Variants in GALNT17 observed in about 807,000 individuals in gnomAD.
GALNT17 encodes the protein UDP-GalNAc:polypeptide N-acetylgalactosaminyltransferase-like 3.
In GALNT17, 29 loss-of-function variants were observed where a neutral mutation model predicts 63.7. The ratio of observed to expected loss-of-function variants is 0.46; its 90% CI spans 0.34 to 0.62. The LOEUF (loss-of-function observed/expected upper bound fraction) is 0.62, where lower values mean the gene tolerates loss of function less well. Ranked by LOEUF, GALNT17 falls within the 20% of genes least tolerant of loss-of-function variation. GALNT17 has a pLI of 0.01. For synonymous variants in GALNT17, 305 were observed against 318.3 expected, an observed-to-expected ratio of 0.96 and a Z score of 0.45; for missense variants, 603 against 799.6, an observed-to-expected ratio of 0.75 and a Z score of 2.97.
At chr7:71,666,688 T>A (rs545245522) in intron 7 of GALNT17, among the ~76,000 whole-genome samples, 9 of 152,316 alleles carry the variant, frequency 5.9e-5, no homozygotes, top group Non-Finnish European at 8.8e-5. Flanking sequence ...CTCTCGAATC[T>A]CATCCAGGTC....
intron 5 of GALNT17, among the ~76,000 whole-genome samples, chr7:71,449,143 C>T (rs191107913): frequency 0.017 from 1,315 of 76,578 alleles, 13 homozygotes; most frequent in Middle Eastern, 0.061. Flanking sequence ...GGCAGAGTCT[C>T]GCTCTGTCTC....
chr7:71,372,924 T>A (rs370577270), intron 2 of GALNT17, among the ~76,000 whole-genome samples: 7 of 152,284 alleles, frequency 4.6e-5, no homozygotes, highest in African/African-American at 1.7e-4. Flanking sequence ...GCTTAGCTCT[T>A]GTTATTTTAA....
intron 5 of GALNT17, among the ~76,000 whole-genome samples, chr7:71,424,073 G>C (rs1385941272): frequency 1.3e-5 from 2 of 152,232 alleles, no homozygotes; most frequent in Non-Finnish European, 2.9e-5. Flanking sequence ...AAGCTGTCTT[G>C]TGGCTCAGCT....
intron 1 of GALNT17, among the ~76,000 whole-genome samples, chr7:71,190,223 C>A (rs1000404569): frequency 5.3e-5 from 8 of 152,154 alleles, no homozygotes; most frequent in Admixed American, 5.2e-4. Context: ...GTTTGAATAT[C>A]TATTCTTGCC....
intron 5 of GALNT17, among the ~76,000 whole-genome samples, chr7:71,534,717 G>A (rs1406343118): frequency 1.3e-4 from 20 of 152,100 alleles, no homozygotes; most frequent in African/African-American, 2.4e-4. Flanking sequence ...CCCACGACAC[G>A]TGGGGATATG....
At chr7:71,473,615 TA>T (rs1787676917) in intron 5 of GALNT17, among the ~76,000 whole-genome samples, 1 of 152,110 alleles carries the variant, frequency 6.6e-6, no homozygotes, top group South Asian at 2.1e-4. Context: ...GGGTGGGGCA[TA>T]ATGAGGCTTG....
chr7:71,212,171 A>C (rs1173955725), intron 1 of GALNT17, among the ~76,000 whole-genome samples: 1 of 152,202 alleles, frequency 6.6e-6, no homozygotes, highest in Non-Finnish European at 1.5e-5. Context: ...TGCTGTGTGC[A>C]GCCTGGGGAC....
At chr7:71,614,905 G>A (rs1422419238) in intron 6 of GALNT17, among the ~76,000 whole-genome samples, 6 of 126,424 alleles carry the variant, frequency 4.7e-5, no homozygotes, top group Non-Finnish European at 8.3e-5. Flanking sequence ...GGGAGGGAGG[G>A]AGGAAGGGAG....
intron 6 of GALNT17, among the ~76,000 whole-genome samples, chr7:71,622,360 A>C (rs886868047): frequency 3.3e-5 from 5 of 152,176 alleles, no homozygotes; most frequent in African/African-American, 1.2e-4. Flanking sequence ...CATCAATTCA[A>C]ACACTGGACA....
intron 1 of GALNT17, among the ~76,000 whole-genome samples, chr7:71,156,976 A>G (rs889420498): frequency 6.6e-6 from 1 of 151,318 alleles, no homozygotes; most frequent in Non-Finnish European, 1.5e-5. Context: ...TTATTTATAG[A>G]GATGAGGTCT....
At position 71,521,230 on chromosome 7, in the gene GALNT17, CT is replaced by C. The variant is rs147913846; in HGVS notation, c.963-50042del. On this transcript the variant is annotated intron_variant, in intron 5 of 10. Coordinates refer to ENST00000333538, the MANE Select transcript of GALNT17 (RefSeq NM_022479.3). ...ATGGATGCTCAGATAGATCCCAAAT[CT>C]TTTTTTTTTTTTCCCCAAATCAGGT... 4.0e-3 allele frequency among the ~76,000 whole-genome samples: 586 copies of C among 145,020 alleles called. 2 individuals carry two copies. The highest frequency in any genetic ancestry group is 8.1e-3 in the South Asian group (37 of 4,546).
At chr7:71,404,000 A>G (rs1472077003) in intron 3 of GALNT17, among the ~76,000 whole-genome samples, 1 of 152,222 alleles carries the variant, frequency 6.6e-6, no homozygotes, top group Non-Finnish European at 1.5e-5. Context: ...TGTTATTATT[A>G]GAATCAGCTG....
At chr7:71,421,728 T>A (rs982588385) in intron 5 of GALNT17, among the ~76,000 whole-genome samples, 1 of 152,114 alleles carries the variant, frequency 6.6e-6, no homozygotes, top group African/African-American at 2.4e-5. Flanking sequence ...AGTGGGTGGA[T>A]CACTTGAAGT....
At chr7:71,706,956 C>T (rs772478780) in intron 9 of GALNT17, among the ~76,000 whole-genome samples, 9 of 152,188 alleles carry the variant, frequency 5.9e-5, no homozygotes, top group Non-Finnish European at 8.8e-5. Context: ...TCTTCTGCTG[C>T]TCAGCTGCTG....
At chr7:71,409,016 A>AC (rs1491138985) in intron 3 of GALNT17, among the ~76,000 whole-genome samples, 38 of 113,080 alleles carry the variant, frequency 3.4e-4, no homozygotes, top group Admixed American at 8.9e-4. Flanking sequence ...GCACATACAC[A>AC]AACACACACA....
At chr7:71,335,776 A>G (rs1791889826) in intron 2 of GALNT17, 43 bp downstream of exon 2, 4 of 1,540,228 alleles carry the variant, frequency 2.6e-6, no homozygotes, top group Non-Finnish European at 3.5e-6. Flanking sequence ...ATGGGTCGTC[A>G]GAGTGGGTGT....
intron 5 of GALNT17, among the ~76,000 whole-genome samples, chr7:71,422,979 C>G (rs760221770): frequency 6.6e-6 from 1 of 152,150 alleles, no homozygotes; most frequent in South Asian, 2.1e-4. Flanking sequence ...TCAACTACCC[C>G]TGGCCGAACT....
At chr7:71,662,607 C>G (rs562529366) in intron 6 of GALNT17, among the ~76,000 whole-genome samples, 1 of 152,268 alleles carries the variant, frequency 6.6e-6, no homozygotes, top group East Asian at 1.9e-4. Context: ...CCAGACATTT[C>G]ATATAAATGG....
chr7:71,706,815 A>T (rs1791727256), intron 9 of GALNT17, among the ~76,000 whole-genome samples: 1 of 152,180 alleles, frequency 6.6e-6, no homozygotes, highest in Non-Finnish European at 1.5e-5. Context: ...TGAGAACCCC[A>T]TGCAGAGAAT....
Sources: allele counts gnomAD v4.1 joint callset (sites outside exome capture counted in the v4.1 genomes callset), GRCh38; gene constraint gnomAD v4.1.1; transcripts MANE v1.5; gene names NCBI Gene and HGNC (gene_info 2026-07-23, HGNC 2026-07-21).